Variants in RIN2 observed in about 807,000 individuals in gnomAD.
RIN2 encodes Ras and Rab interactor 2.
Under a neutral mutation model 78.0 loss-of-function variants are expected in RIN2, and 36 were observed. The observed-to-expected ratio is 0.46, with a 90% CI of 0.35 to 0.61. The LOEUF (loss-of-function observed/expected upper bound fraction) is 0.61. Among genes scored for constraint, RIN2 ranks in the 20% least tolerant of loss-of-function variants. The probability of loss-of-function intolerance (pLI) is 0.00; values close to 1 mark genes in which losing one functional copy is unlikely to be tolerated. For missense variants in RIN2, 1,087 were observed against 1,159.7 expected (o/e 0.94, Z 0.91); for synonymous variants, 466 against 466.8 (o/e 1.00, Z 0.02).
rs2208448 is a variant in RIN2 at position 19,889,341 on chromosome 20, T to C, written c.-36-225T>C. ...AAGTCCCAAGGACCTTCTACGTCAG[T>C]GGCAGAGGTGGGAGGTGGGCTGGCG... On this transcript the variant is annotated intron_variant, in intron 2 of 12. Transcript: ENST00000255006. 625,754 of 1,234,916 alleles carry C rather than the reference T, an allele frequency of 0.51. 159,327 individuals are homozygous for C. The highest frequency in any genetic ancestry group is 0.57 in the African/African-American group (36,532 of 64,584). 76.5% of individuals were successfully genotyped at this position (1,234,916 alleles called of 1,614,324 possible).
At chr20:19,792,721 A>G (rs2034926243) in intron 1 of RIN2, among the ~76,000 whole-genome samples, 1 of 152,080 alleles carries the variant, frequency 6.6e-6, no homozygotes, top group Non-Finnish European at 1.5e-5. Context: ...AGGTTACCTC[A>G]CCTCTTCCAG....
At chr20:19,783,874 C>T (rs1044288317) in intron 1 of RIN2, among the ~76,000 whole-genome samples, 2 of 152,138 alleles carry the variant, frequency 1.3e-5, no homozygotes, top group South Asian at 4.2e-4. Context: ...TCAGGCCTCT[C>T]CCTGGGAAAA....
At chr20:19,909,315 C>G (rs546556075) in intron 3 of RIN2, among the ~76,000 whole-genome samples, 58 of 152,264 alleles carry the variant, frequency 3.8e-4, no homozygotes, top group African/African-American at 1.3e-3. Flanking sequence ...TGCCCTACCC[C>G]CAAGGCAAGA....
intron 5 of RIN2, among the ~76,000 whole-genome samples, chr20:19,958,407 C>G (rs928766741): frequency 3.3e-5 from 5 of 152,278 alleles, no homozygotes; most frequent in Admixed American, 6.5e-5. Context: ...CCAGCTCCCC[C>G]TCCCAAGGTA....
At chr20:19,979,665 A>C (rs774228423) in intron 9 of RIN2, among the ~76,000 whole-genome samples, 1 of 151,952 alleles carries the variant, frequency 6.6e-6, no homozygotes, top group Non-Finnish European at 1.5e-5. Context: ...TCTAGCTTCA[A>C]TATCTAGTGT....
At chr20:19,982,055 C>T (rs1022524804) in intron 9 of RIN2, among the ~76,000 whole-genome samples, 4 of 152,174 alleles carry the variant, frequency 2.6e-5, no homozygotes, top group Admixed American at 6.5e-5. Context: ...CTGGGGACTT[C>T]AGGTGACACT....
chr20:19,842,494 G>A (rs543304810), intron 2 of RIN2, among the ~76,000 whole-genome samples: 3 of 146,342 alleles, frequency 2.0e-5, no homozygotes, highest in South Asian at 4.4e-4. Context: ...CACCTGCCTC[G>A]GCCTCCCAAA....
At chr20:19,773,830 C>A (rs1311301462) in intron 1 of RIN2, among the ~76,000 whole-genome samples, 1 of 151,368 alleles carries the variant, frequency 6.6e-6, no homozygotes, top group East Asian at 1.9e-4. Flanking sequence ...GATCTGGTTA[C>A]AATCACTATT....
intron 2 of RIN2, among the ~76,000 whole-genome samples, chr20:19,844,698 CTCTTCT>C (rs869169793): frequency 0.021 from 558 of 26,172 alleles, 18 homozygotes; most frequent in Middle Eastern, 0.047. Context: ...CTTCCTCTTC[CTCTTCT>C]TCTTCTTCTT....
chr20:20,000,290 TAAACCCAGCA>T (rs201921717), intron 12 of RIN2, among the ~76,000 whole-genome samples: 12,754 of 152,254 alleles, frequency 0.084, 678 homozygotes, highest in South Asian at 0.12. Context: ...AAGCTGGGAA[TAAACCCAGCA>T]TTGGATGTGG....
intron 2 of RIN2, among the ~76,000 whole-genome samples, chr20:19,854,363 G>A (rs2037095156): frequency 6.6e-6 from 1 of 152,228 alleles, no homozygotes; most frequent in African/African-American, 2.4e-5. Flanking sequence ...GGCAATGCGG[G>A]CCCTTTTTTG....
intron 1 of RIN2, among the ~76,000 whole-genome samples, chr20:19,780,323 T>C (rs2034457579): frequency 6.6e-6 from 1 of 152,230 alleles, no homozygotes; most frequent in African/African-American, 2.4e-5. Context: ...GGTCCCGAAT[T>C]GATATGTTTT....
intron 8 of RIN2, among the ~76,000 whole-genome samples, chr20:19,971,773 G>T (rs929840373): frequency 8.5e-6 from 1 of 117,310 alleles, no homozygotes. Context: ...AGGGAGTCTC[G>T]CTCTGTCACC....
intron 4 of RIN2, among the ~76,000 whole-genome samples, chr20:19,940,627 C>T (rs1273956584): frequency 6.6e-6 from 1 of 152,226 alleles, no homozygotes; most frequent in Admixed American, 6.5e-5. Context: ...TCTGCTCTCT[C>T]CCAGTGTGGT....
At chr20:19,847,373 T>C (rs1013513217) in intron 2 of RIN2, among the ~76,000 whole-genome samples, 1 of 152,198 alleles carries the variant, frequency 6.6e-6, no homozygotes, top group African/African-American at 2.4e-5. Context: ...TACTAAGTGT[T>C]GTAGGATTTC....
intron 6 of RIN2, among the ~76,000 whole-genome samples, chr20:19,964,725 C>A (rs2041882541): frequency 6.6e-6 from 1 of 152,180 alleles, no homozygotes; most frequent in South Asian, 2.1e-4. Flanking sequence ...GTTTACCAAG[C>A]ACTGGAGCAT....
chr20:19,975,169 C>T lies in RIN2; in HGVS notation c.1144C>T (p.Pro382Ser). 1 of 1,611,186 alleles carries T rather than the reference C, an allele frequency of 6.2e-7. No homozygotes were observed. The highest frequency in any genetic ancestry group is 1.1e-5 in the South Asian group (1 of 90,952). Reference protein sequence around the residue: ...GGAKTLSGGRPGAGPELELGT... With the variant: ...GGAKTLSGGRSGAGPELELGT... ...TGCAAAGACCTTGAGCGGCGGCCGGCCGGGCGCAGGCCCGGAGCTGGAGCT... is the reference window on the plus strand; with the variant it reads ...TGCAAAGACCTTGAGCGGCGGCCGGTCGGGCGCAGGCCCGGAGCTGGAGCT... Residue 382 changes from proline (P) to serine (S), a missense_variant, in exon 9 of 13, where the codon CCG becomes TCG. By Grantham distance (74) the Pro-to-Ser change is moderately conservative. Coordinates refer to ENST00000255006, the MANE Select transcript of RIN2 (RefSeq NM_018993.4). The surrounding 1 kb of genome is among the most constrained non-coding windows in gnomAD (Gnocchi z 4.9).
Position 19,975,894 on chromosome 20 carries a change from AC to A in RIN2, c.1762+110del. On this transcript the variant is annotated intron_variant, in intron 9 of 12. Coordinates refer to ENST00000255006, the MANE Select transcript of RIN2 (RefSeq NM_018993.4). This position sits in a 1 kb window ranked among gnomAD's most constrained non-coding sequence, Gnocchi z 4.9. The stretch of plus-strand genomic sequence containing the variant: ...AGTTTACTCCGAAGTTCAAAACAAC[AC>A]CCAGCTCCACCTTCTCTCCCGGTTT... The A allele has an allele frequency of 1.0e-6, 1 of 997,706 alleles. No individual in the cohort carries two copies. Among genetic ancestry groups the A allele is most frequent in the Non-Finnish European group, 1.5e-6 (1 of 648,226 alleles). The allele number at this position is 997,706 out of a possible 1,614,324, so 61.8% of individuals were successfully genotyped here. A position where few individuals can be genotyped will look rare whatever the true frequency, so the allele number is the denominator to read the frequency against.
At chr20:19,837,577 G>A (rs915613125) in intron 2 of RIN2, among the ~76,000 whole-genome samples, 1 of 151,984 alleles carries the variant, frequency 6.6e-6, no homozygotes, top group Non-Finnish European at 1.5e-5. Context: ...TTTTATTGCT[G>A]TATTTAAATT....
Sources: allele counts gnomAD v4.1 joint callset (sites outside exome capture counted in the v4.1 genomes callset), GRCh38; gene constraint gnomAD v4.1.1; non-coding constraint Gnocchi (gnomAD v3.1); transcripts MANE v1.5; gene names NCBI Gene and HGNC (gene_info 2026-07-23, HGNC 2026-07-21).